Variants in ABCA4 observed in about 807,000 individuals in gnomAD.
ABCA4 encodes retinal-specific phospholipid-transporting ATPase ABCA4.
ABCA4 carries 196 observed loss-of-function variants against 263.7 expected under a neutral mutation model. That is an observed-to-expected ratio of 0.74 (90% CI 0.66 to 0.84). The LOEUF (loss-of-function observed/expected upper bound fraction) is 0.84, where lower values mean the gene tolerates loss of function less well. ABCA4 is among the 40% of genes least tolerant of loss of function. ABCA4 has a pLI of 0.00. For missense variants in ABCA4, 2,792 were observed against 2,855.1 expected (o/e 0.98, Z 0.50); for synonymous variants, 1,133 against 1,094.2 (o/e 1.04, Z -0.70).
chr1:94,109,738 C>T (rs998574252), intron 3 of ABCA4, among the ~76,000 whole-genome samples: 89 of 152,196 alleles, frequency 5.8e-4, no homozygotes, highest in African/African-American at 2.0e-3. Context: ...TCCTGAGCCC[C>T]GCCTTGCTGC....
chr1:94,014,654 G>A lies in ABCA4; in HGVS notation c.5349C>T (p.Phe1783=). 6.2e-7 allele frequency: 1 copy of A among 1,614,226 alleles called. No individual in the cohort carries two copies. The highest frequency in any genetic ancestry group is 8.5e-7 in the Non-Finnish European group (1 of 1,180,038). The change falls in exon 38 of 50, where the codon TTC becomes TTT. Residue 1783 remains phenylalanine, a synonymous_variant. Transcript: ENST00000370225. ...AGGCTGTGCTGGGGACATCAAACAG[G>A]AAGGATGCTGGGTACATCATGGGAA... ...AVIPMMYPAS[F]LFDVPSTAYV...
At chr1:94,082,147 T>G (rs1172100788) in intron 7 of ABCA4, among the ~76,000 whole-genome samples, 1 of 152,168 alleles carries the variant, frequency 6.6e-6, no homozygotes, top group Non-Finnish European at 1.5e-5. Context: ...AAAGTCAAAA[T>G]CTCAAATTGC....
chr1:94,115,617 T>C (rs1662738488), intron 1 of ABCA4, among the ~76,000 whole-genome samples: 1 of 152,188 alleles, frequency 6.6e-6, no homozygotes, highest in Non-Finnish European at 1.5e-5. Flanking sequence ...GAAATGGATG[T>C]GATACCAGGA....
In ABCA4 at chr1:94,019,657, G is replaced by A. The variant is rs886046562; in HGVS notation, c.5121C>T (p.Asn1707=). The A allele has an allele frequency of 6.2e-7, 1 of 1,613,310 alleles. No individual in the cohort carries two copies. The highest frequency in any genetic ancestry group is 2.2e-5 in the East Asian group (1 of 44,872). Residue 1707 remains asparagine (N), a synonymous_variant, in exon 36 of 50, where the codon AAC becomes AAT. Transcript: ENST00000370225. ...TGATAAACTGGAGGTGCTTGGATTTGTTCACCCGCTCCTGGATCAAATAAA... is the reference window on the plus strand; with the variant it reads ...TGATAAACTGGAGGTGCTTGGATTTATTCACCCGCTCCTGGATCAAATAAA... ...FVLYLIQERV[N]KSKHLQFISG... is the part of the protein sequence containing the mutation.
At chr1:94,050,807 C>A (rs968210760) in intron 17 of ABCA4, among the ~76,000 whole-genome samples, 3 of 152,172 alleles carry the variant, frequency 2.0e-5, no homozygotes, top group Admixed American at 6.5e-5. Context: ...AAAGACTAAT[C>A]CCCCAGAGAA....
intron 1 of ABCA4, 73 bp from the exon 2 acceptor site, chr1:94,113,139 C>A: frequency 7.2e-7 from 1 of 1,393,306 alleles, no homozygotes; most frequent in South Asian, 1.2e-5. Context: ...CCAGAGCAGA[C>A]ACAGCCCTCC....
At chr1:94,049,827 A>AACACACAC (rs146353973) in intron 17 of ABCA4, among the ~76,000 whole-genome samples, 11 of 149,426 alleles carry the variant, frequency 7.4e-5, no homozygotes, top group African/African-American at 2.7e-4. Flanking sequence ...ACACGCATTG[A>AACACACAC]ACACACACAC....
chr1:94,095,145 G>A (rs1281426217), intron 6 of ABCA4, among the ~76,000 whole-genome samples: 1 of 152,194 alleles, frequency 6.6e-6, no homozygotes, highest in Admixed American at 6.5e-5. Flanking sequence ...TGTACGCGCG[G>A]GGATGGGTGG....
chr1:94,117,215 T>C (rs1662815850), intron 1 of ABCA4, among the ~76,000 whole-genome samples: 1 of 151,916 alleles, frequency 6.6e-6, no homozygotes, highest in South Asian at 2.1e-4. Context: ...TCCTGCTCTG[T>C]TTTCAATTTA....
In ABCA4 at chr1:93,994,408, A is replaced by G. The variant is rs557143375; in HGVS notation, c.6817-1166T>C. Among the ~76,000 whole-genome samples, 3 of 152,336 alleles carry G rather than the reference A, an allele frequency of 2.0e-5. No individual in the cohort carries two copies. The South Asian group carries it at 6.2e-4, about 32-fold the overall frequency. ...AATATCTGTGTGGTCCTGGCTCACA[A>G]TTTGGAGTTGTAAAGCCAATGGCCA... On this transcript the variant is annotated intron_variant, in intron 49 of 49. Coordinates refer to ENST00000370225, the MANE Select transcript of ABCA4 (RefSeq NM_000350.3).
intron 11 of ABCA4, among the ~76,000 whole-genome samples, chr1:94,075,076 C>A (rs966990496): frequency 6.6e-6 from 1 of 152,164 alleles, no homozygotes; most frequent in Non-Finnish European, 1.5e-5. Flanking sequence ...AAACTAAACA[C>A]CACATGTTCT....
chr1:94,073,178 C>G (rs1029485973), intron 11 of ABCA4, among the ~76,000 whole-genome samples: 2 of 152,208 alleles, frequency 1.3e-5, no homozygotes, highest in East Asian at 3.8e-4. Context: ...GCAGAAAAAT[C>G]CAGGACAAGC....
rs112411475 is a variant in ABCA4 at position 94,120,845 on chromosome 1, A to C, written c.66+135T>G. On this transcript the variant is annotated intron_variant, in intron 1 of 49. Coordinates refer to ENST00000370225, the MANE Select transcript of ABCA4 (RefSeq NM_000350.3). ...TCCAGCTAAACACTGCTTCAGTGCTAATCGGCGACAAGCCCACTGACTGCT... is the reference window on the plus strand; with the variant it reads ...TCCAGCTAAACACTGCTTCAGTGCTCATCGGCGACAAGCCCACTGACTGCT... 803 of 788,426 alleles carry C rather than the reference A, an allele frequency of 1.0e-3. 5 individuals are homozygous for C. In the African/African-American group the frequency reaches 0.011, roughly 11 times the overall value. 48.8% of individuals were successfully genotyped at this position (788,426 alleles called of 1,614,324 possible).
Position 94,098,669 on chromosome 1 carries a change from AG to A in ABCA4, c.768+124del, listed in dbSNP as rs1387520117. 4 of 1,123,972 alleles carry A rather than the reference AG, an allele frequency of 3.6e-6. No individual in the cohort carries two copies. The Admixed American group carries it at 7.8e-5, about 22-fold the overall frequency. The allele number at this position is 1,123,972 out of a possible 1,614,324, so 69.6% of individuals were successfully genotyped here. On this transcript the variant is annotated intron_variant, in intron 6 of 49. Transcript: ENST00000370225. ...CAGTTGTGATTTTTTGAGCCCTGGG[AG>A]CCTGGAGCTTTTGCAAGGATTGTCC...
chr1:94,085,331 T>C lies in ABCA4; in HGVS notation c.769-1890A>G, dbSNP rs569692148. On this transcript the variant is annotated intron_variant, in intron 6 of 49. Transcript: ENST00000370225. ...ATAGATCCATGGGAGCTCATTTTATTATTCACTCTACTTTCATACTTTTTT... is the reference window on the plus strand; with the variant it reads ...ATAGATCCATGGGAGCTCATTTTATCATTCACTCTACTTTCATACTTTTTT... Among the ~76,000 whole-genome samples, 40 of 152,356 alleles carry C rather than the reference T, an allele frequency of 2.6e-4. No homozygotes were observed. In the Middle Eastern group the frequency reaches 0.02, roughly 78 times the overall value.
Position 93,993,058 on chromosome 1 carries a change from G to A in ABCA4, c.*179C>T, listed in dbSNP as rs768014348. 3.2e-5 allele frequency: 24 copies of A among 744,080 alleles called. No individual in the cohort carries two copies. Among genetic ancestry groups the A allele is most frequent in the South Asian group, 1.0e-4 (6 of 58,738 alleles). The allele number at this position is 744,080 out of a possible 1,614,324, so 46.1% of individuals were successfully genotyped here. ...TGTTCCAGGTGAGCAAGTCAGTTTC[G>A]GTTTCCTTCTGAAAGACCTCTTTCT... On this transcript the variant is annotated 3_prime_UTR_variant, in exon 50 of 50. Coordinates refer to ENST00000370225, the MANE Select transcript of ABCA4 (RefSeq NM_000350.3).
chr1:94,093,833 T>C (rs968297018), intron 6 of ABCA4, among the ~76,000 whole-genome samples: 3 of 152,230 alleles, frequency 2.0e-5, no homozygotes, highest in African/African-American at 7.2e-5. Flanking sequence ...GATATTTTGA[T>C]GGTAATAGGT....
chr1:94,051,518 C>G (rs1660838456), intron 17 of ABCA4, 115 bp downstream of exon 17: 4 of 941,668 alleles, frequency 4.2e-6, no homozygotes, highest in Non-Finnish European at 6.9e-6. Flanking sequence ...AGGCAGCTGA[C>G]TCATCAGGAA....
chr1:94,023,542 G>C, intron 31 of ABCA4, 124 bp from the exon 32 acceptor site: 1 of 867,848 alleles, frequency 1.2e-6, no homozygotes, highest in Non-Finnish European at 1.9e-6. Flanking sequence ...TGCATTTTCC[G>C]ATATCCAAGC....
Sources: gnomAD v4.1 joint callset for allele counts (sites outside exome capture counted in the v4.1 genomes callset) on GRCh38, gnomAD v4.1.1 for gene constraint, MANE v1.5 for transcripts, NCBI Gene and HGNC (gene_info 2026-07-23, HGNC 2026-07-21) for gene names.